The following ADAMTS16 variants were observed in gnomAD, a reference collection of about 807,000 sequenced individuals.
The protein encoded by ADAMTS16 is A disintegrin and metalloproteinase with thrombospondin motifs 16.
Under a neutral mutation model 145.8 loss-of-function variants are expected in ADAMTS16, and 94 were observed. That is an observed-to-expected ratio of 0.64 (90% CI 0.55 to 0.77). The LOEUF (loss-of-function observed/expected upper bound fraction) is 0.77, where lower values mean the gene tolerates loss of function less well. Ranked by LOEUF, ADAMTS16 falls within the 30% of genes least tolerant of loss-of-function variation. ADAMTS16 has a pLI of 0.00. For missense variants in ADAMTS16, 1,585 were observed against 1,591.5 expected, an observed-to-expected ratio of 1.00 and a Z score of 0.07; for synonymous variants, 659 against 604.3, an observed-to-expected ratio of 1.09 and a Z score of -1.33.
intron 18 of ADAMTS16, among the ~76,000 whole-genome samples, chr5:5,281,215 C>T (rs1738893616): frequency 6.6e-6 from 1 of 152,174 alleles, no homozygotes; most frequent in African/African-American, 2.4e-5. Context: ...AAATACTCTT[C>T]TTACAAGGGG....
Position 5,239,781 on chromosome 5 carries a change from A to T in ADAMTS16, c.2379A>T (p.Arg793Ser). 1 of 1,614,174 alleles carries T rather than the reference A, an allele frequency of 6.2e-7. No homozygotes were observed. The highest frequency in any genetic ancestry group is 8.5e-7 in the Non-Finnish European group (1 of 1,180,034). ...ACATTTCTGTGCGCAATGCCCTCAG[A>T]AGGTACTACCTGAATGGGCACTGGA... is the stretch of plus-strand genomic sequence containing the variant. ...TSYISVRNAL[R>S]RYYLNGHWTV... is the part of the protein sequence containing the mutation. Residue 793 changes from arginine to serine, a missense_variant, in exon 16 of 23, where the codon AGA becomes AGT. Physicochemically the swap from Arg to Ser is moderately radical, Grantham distance 110 (BLOSUM62 -1). This residue lies in a region of ADAMTS16 where 834 missense variants were observed against 811.7 expected (regional missense o/e 1.03). Transcript: ENST00000274181.
chr5:5,311,735 G>T (rs1242901194), intron 21 of ADAMTS16, among the ~76,000 whole-genome samples: 3 of 149,022 alleles, frequency 2.0e-5, no homozygotes, highest in Non-Finnish European at 3.0e-5. Flanking sequence ...GTTTTTTTTG[G>T]TTGTTTTTTT....
intron 14 of ADAMTS16, among the ~76,000 whole-genome samples, chr5:5,237,913 G>A (rs954510196): frequency 2.6e-5 from 4 of 152,170 alleles, no homozygotes; most frequent in Non-Finnish European, 5.9e-5. Context: ...GAAGGTGTTA[G>A]CAGATCAAAC....
intron 21 of ADAMTS16, among the ~76,000 whole-genome samples, chr5:5,307,328 A>G (rs1455447676): frequency 1.3e-5 from 2 of 152,180 alleles, no homozygotes; most frequent in Non-Finnish European, 2.9e-5. Flanking sequence ...AAGCGTGTGC[A>G]CTGGCTTGTG....
At chr5:5,276,491 G>C (rs1378005153) in intron 18 of ADAMTS16, among the ~76,000 whole-genome samples, 1 of 152,202 alleles carries the variant, frequency 6.6e-6, no homozygotes, top group Admixed American at 6.5e-5. Context: ...GAGGAATAAG[G>C]AATTTATACA....
intron 18 of ADAMTS16, among the ~76,000 whole-genome samples, chr5:5,292,204 C>T (rs2126491117): frequency 6.6e-6 from 1 of 152,180 alleles, no homozygotes; most frequent in Non-Finnish European, 1.5e-5. Context: ...CTTTCTAAAA[C>T]ACAAACCTGG....
intron 8 of ADAMTS16, among the ~76,000 whole-genome samples, chr5:5,193,943 A>G (rs1242963549): frequency 6.6e-6 from 1 of 151,952 alleles, no homozygotes. Flanking sequence ...TCTACAATAA[A>G]TTTAAAAAAT....
intron 11 of ADAMTS16, among the ~76,000 whole-genome samples, chr5:5,225,738 GGATTGAA>G (rs1341441393): frequency 6.6e-6 from 1 of 152,188 alleles, no homozygotes; most frequent in Non-Finnish European, 1.5e-5. Context: ...TGTGAGTGGA[GGATTGAA>G]GATTCGTGAG....
chr5:5,273,805 G>A (rs998847519), intron 18 of ADAMTS16, among the ~76,000 whole-genome samples: 31 of 152,154 alleles, frequency 2.0e-4, no homozygotes, highest in East Asian at 9.6e-4. Context: ...ACAATAAACC[G>A]TAAGCCAGAC....
chr5:5,200,358 G>T, intron 9 of ADAMTS16, 89 bp downstream of exon 9: 1 of 1,530,958 alleles, frequency 6.5e-7, no homozygotes. Context: ...GCAGCCCCAG[G>T]CTGTGCTTCC....
In ADAMTS16 at chr5:5,306,564, G is replaced by A; in HGVS notation, c.3247G>A (p.Val1083Ile). The stretch of plus-strand genomic sequence containing the variant: ...ATTCTTAAAATGTGCTGAAAAGTAT[G>A]TTTCTGGAAAGTATCGAGAGCTGGC... Reference protein sequence around the residue: ...KRFLKCAEKYVSGKYRELASK... With the variant: ...KRFLKCAEKYISGKYRELASK... The change falls in exon 21 of 23, where the codon GTT (valine) becomes ATT (isoleucine). Residue 1083 changes from valine to isoleucine, a missense_variant. Around this residue, in one of 3 missense-constraint regions of ADAMTS16, gnomAD observed 834 missense variants for 811.7 expected, o/e 1.03. Transcript: ENST00000274181. 7 of 1,614,220 alleles carry A rather than the reference G, an allele frequency of 4.3e-6. No individual in the cohort carries two copies. The highest frequency in any genetic ancestry group is 5.9e-6 in the Non-Finnish European group (7 of 1,180,056).
intron 8 of ADAMTS16, among the ~76,000 whole-genome samples, chr5:5,194,621 A>G (rs1735750707): frequency 6.6e-6 from 1 of 152,232 alleles, no homozygotes; most frequent in Admixed American, 6.5e-5. Context: ...TGTGATGTGT[A>G]AGACTCAATG....
At chr5:5,306,774 G>A (rs1310332296) in intron 21 of ADAMTS16, 46 bp downstream of exon 21, 5 of 1,509,810 alleles carry the variant, frequency 3.3e-6, no homozygotes, top group Admixed American at 2.2e-5. Context: ...GCACAGCTTG[G>A]CCTGGGGTTG....
At chr5:5,208,622 A>C (rs2126313649) in intron 9 of ADAMTS16, among the ~76,000 whole-genome samples, 1 of 152,336 alleles carries the variant, frequency 6.6e-6, no homozygotes, top group Admixed American at 6.5e-5. Flanking sequence ...AATCTCGAAG[A>C]TAATATACAT....
chr5:5,260,982 G>A (rs183095593), intron 17 of ADAMTS16, among the ~76,000 whole-genome samples: 115 of 152,222 alleles, frequency 7.6e-4, no homozygotes, highest in East Asian at 3.9e-3. Flanking sequence ...AGTTGTACAC[G>A]GCTTGGGCTG....
chr5:5,141,858 C>G (rs1560920408), intron 2 of ADAMTS16, among the ~76,000 whole-genome samples: 1 of 150,976 alleles, frequency 6.6e-6, no homozygotes, highest in Non-Finnish European at 1.5e-5. Flanking sequence ...TGAGAACCAC[C>G]AGGGGGCGCT....
intron 17 of ADAMTS16, among the ~76,000 whole-genome samples, chr5:5,258,169 C>A (rs145496087): frequency 1.3e-5 from 2 of 152,070 alleles, no homozygotes; most frequent in South Asian, 4.1e-4. Flanking sequence ...TTGAATCATC[C>A]GCCGTTAGTG....
chr5:5,260,197 G>C (rs2964400), intron 17 of ADAMTS16, among the ~76,000 whole-genome samples: 28,135 of 28,160 alleles, frequency 1, 14,055 homozygotes, highest in Non-Finnish European at 1. Flanking sequence ...TCAAGAGGCT[G>C]AATATGTTAA....
At chr5:5,160,384 G>A (rs966530772) in intron 3 of ADAMTS16, among the ~76,000 whole-genome samples, 10 of 152,054 alleles carry the variant, frequency 6.6e-5, no homozygotes, top group Non-Finnish European at 4.4e-5. Context: ...TGTCCATTGG[G>A]AAATAGTGGT....
Sources: gnomAD v4.1 joint callset for allele counts (sites outside exome capture counted in the v4.1 genomes callset) on GRCh38, gnomAD v4.1.1 for gene constraint, gnomAD v4.1.1 regional missense constraint, MANE v1.5 for transcripts, NCBI Gene and HGNC (gene_info 2026-07-23, HGNC 2026-07-21) for gene names.